TSHR: variants seen among roughly 807,000 people sequenced by gnomAD.
TSHR encodes the protein thyroid stimulating hormone receptor, also known as thyrotropin receptor.
TSHR carries 51 observed loss-of-function variants against 64.1 expected under a neutral mutation model. The ratio of observed to expected loss-of-function variants is 0.80; its 90% confidence interval spans 0.64 to 1.01. The LOEUF (loss-of-function observed/expected upper bound fraction) is 1.01. Ranked by LOEUF, TSHR falls within the 50% of genes least tolerant of loss-of-function variation. The pLI, the probability that TSHR is intolerant of heterozygous loss-of-function variation, is 0.00. For synonymous variants in TSHR, 361 were observed against 361.9 expected (o/e 1.00, Z 0.03); for missense variants, 877 against 942.8 (o/e 0.93, Z 0.91).
intron 7 of TSHR, among the ~76,000 whole-genome samples, chr14:81,099,178 A>C (rs543599313): frequency 2.0e-3 from 301 of 152,328 alleles, no homozygotes; most frequent in Middle Eastern, 6.8e-3. Flanking sequence ...GCAAAAGTCA[A>C]GAACTACTGC....
chr14:81,113,668 G>C (rs1384868873), intron 8 of TSHR, among the ~76,000 whole-genome samples: 3 of 151,946 alleles, frequency 2.0e-5, no homozygotes, highest in Non-Finnish European at 4.4e-5. Flanking sequence ...TAGGAAAGGT[G>C]ATCATGTGAG....
intron 2 of TSHR, among the ~76,000 whole-genome samples, chr14:81,066,486 T>G (rs1327272434): frequency 6.6e-6 from 1 of 152,214 alleles, no homozygotes; most frequent in Non-Finnish European, 1.5e-5. Context: ...AATCAAAGGA[T>G]AATTATTTAG....
At chr14:81,058,575 A>G (rs552934213) in intron 1 of TSHR, among the ~76,000 whole-genome samples, 1 of 152,144 alleles carries the variant, frequency 6.6e-6, no homozygotes, top group Non-Finnish European at 1.5e-5. Flanking sequence ...AAGAATCATC[A>G]TTGTCTTCTT....
intron 8 of TSHR, among the ~76,000 whole-genome samples, chr14:81,113,561 G>A (rs1461151359): frequency 1.3e-5 from 2 of 151,148 alleles, no homozygotes; most frequent in East Asian, 3.9e-4. Context: ...CCCCACCAAT[G>A]TGATTTCCCT....
intron 1 of TSHR, among the ~76,000 whole-genome samples, chr14:81,006,565 C>T (rs13379251): frequency 0.11 from 16,224 of 151,816 alleles, 2,831 homozygotes; most frequent in African/African-American, 0.37. Flanking sequence ...CAGGCGAGAG[C>T]GCAGTGGTGC....
At chr14:81,009,081 T>C (rs1441006292) in intron 1 of TSHR, among the ~76,000 whole-genome samples, 1 of 152,230 alleles carries the variant, frequency 6.6e-6, no homozygotes, top group East Asian at 1.9e-4. Flanking sequence ...TCTTTACTCT[T>C]CAGCTAATAA....
At chr14:80,963,161 A>G (rs577529726) in intron 1 of TSHR, among the ~76,000 whole-genome samples, 1 of 152,294 alleles carries the variant, frequency 6.6e-6, no homozygotes, top group East Asian at 1.9e-4. Flanking sequence ...CAAAATACCA[A>G]ATATATATTG....
chr14:81,034,034 G>T (rs28478356), intron 1 of TSHR, among the ~76,000 whole-genome samples: 37,203 of 151,984 alleles, frequency 0.24, 4,679 homozygotes, highest in South Asian at 0.33. Flanking sequence ...AAGACCTATC[G>T]GCCTGGAGCT....
chr14:81,090,559 A>AAACGGTACTGTTAT (rs1555379997), intron 4 of TSHR, among the ~76,000 whole-genome samples: 1 of 151,674 alleles, frequency 6.6e-6, no homozygotes, highest in African/African-American at 2.4e-5. Context: ...ATATTTTTTT[A>AAACGGTACTGTTAT]AATGGTACTG....
intron 1 of TSHR, among the ~76,000 whole-genome samples, chr14:81,040,947 T>C (rs1221115010): frequency 6.6e-6 from 1 of 151,724 alleles, no homozygotes. Context: ...GAAATGGAAA[T>C]TAAAACCACA....
At chr14:80,956,682 TAA>T (rs3216585) in intron 1 of TSHR, among the ~76,000 whole-genome samples, 3 of 151,294 alleles carry the variant, frequency 2.0e-5, no homozygotes, top group South Asian at 2.1e-4. Flanking sequence ...CCAGTTAAGA[TAA>T]AAAAAAATGC....
At chr14:81,013,845 T>C (rs1890046063) in intron 1 of TSHR, 1 of 152,196 alleles carries the variant, frequency 6.6e-6, no homozygotes, top group South Asian at 2.1e-4. Flanking sequence ...CTATATTTAC[T>C]TGGCTTGATT....
At position 81,008,333 on chromosome 14, in the gene TSHR, C is replaced by T. The variant is rs554860629; in HGVS notation, c.170+52483C>T. 2.6e-5 allele frequency among the ~76,000 whole-genome samples: 4 copies of T among 152,098 alleles called. No individual in the cohort carries two copies. The South Asian group carries it at 8.3e-4, about 32-fold the overall frequency. On this transcript the variant is annotated intron_variant, in intron 1 of 9. Transcript: ENST00000298171. Reference sequence around the variant, plus strand: ...GACTACAGGCGCCCCCCACCACGCCCGGCTAATTTTTTGTATTTTTAGTAG... The same window carrying T: ...GACTACAGGCGCCCCCCACCACGCCTGGCTAATTTTTTGTATTTTTAGTAG...
rs572189649 is a variant in TSHR at position 81,110,302 on chromosome 14, A to G, written c.692+1850A>G. On this transcript the variant is annotated intron_variant, in intron 8 of 9. Coordinates refer to ENST00000298171, the MANE Select transcript of TSHR (RefSeq NM_000369.5). ...TGTAAAGAGGTAATTAAATTAAAAT[A>G]AGGCTGTTAGGTGAGCCCTAATCCA... Among the ~76,000 whole-genome samples the G allele has an allele frequency of 1.6e-4, 24 of 152,214 alleles. 1 individual carries two copies. The highest frequency in any genetic ancestry group is 3.2e-4 in the Non-Finnish European group (22 of 68,034).
rs760523828 is a variant in TSHR at position 80,955,866 on chromosome 14, A to C, written c.170+16A>C. The C allele has an allele frequency of 9.3e-6, 15 of 1,613,938 alleles. No homozygotes were observed. Among genetic ancestry groups the C allele is most frequent in the Non-Finnish European group, 1.3e-5 (15 of 1,180,002 alleles). ...CGCAGACTCTGTGAGTACCCGGGAGAGATCAGGGTAGGACCCAGAGATCAA... is the reference window on the plus strand; with the variant it reads ...CGCAGACTCTGTGAGTACCCGGGAGCGATCAGGGTAGGACCCAGAGATCAA... On this transcript the variant is annotated intron_variant, in intron 1 of 9. Coordinates refer to ENST00000298171, the MANE Select transcript of TSHR (RefSeq NM_000369.5).
At chr14:81,140,016 C>A in intron 9 of TSHR, 149 bp downstream of exon 9, 1 of 1,137,918 alleles carries the variant, frequency 8.8e-7, no homozygotes, top group Non-Finnish European at 1.3e-6. Flanking sequence ...CCATGGGACA[C>A]AGTGACCCTG....
chr14:81,057,972 G>A (rs1885946178), intron 1 of TSHR, among the ~76,000 whole-genome samples: 1 of 152,238 alleles, frequency 6.6e-6, no homozygotes, highest in African/African-American at 2.4e-5. Flanking sequence ...TAAGAAACAA[G>A]ATGTTGGAAT....
chr14:81,000,260 A>ATTGTAATACCACCCCAGAAATCAG (rs1386054304), intron 1 of TSHR, among the ~76,000 whole-genome samples: 55 of 52,670 alleles, frequency 1.0e-3, no homozygotes, highest in African/African-American at 4.2e-3. Context: ...GACAACTGAC[A>ATTGTAATACCACCCCAGAAATCAG]TTGTAAACCA....
At chr14:81,120,440 A>T (rs1364294316) in intron 8 of TSHR, among the ~76,000 whole-genome samples, 2 of 152,308 alleles carry the variant, frequency 1.3e-5, no homozygotes, top group East Asian at 1.9e-4. Context: ...TTTTGATGCC[A>T]TTATAAATGG....
Sources: allele counts gnomAD v4.1 joint callset (sites outside exome capture counted in the v4.1 genomes callset), GRCh38; gene constraint gnomAD v4.1.1; transcripts MANE v1.5; gene names NCBI Gene and HGNC (gene_info 2026-07-23, HGNC 2026-07-21).